Variants in CACNA2D1 observed in about 807,000 individuals in gnomAD.
The protein encoded by CACNA2D1 is calcium voltage-gated channel auxiliary subunit alpha2delta 1.
CACNA2D1 carries 53 observed loss-of-function variants against 171.5 expected under a neutral mutation model. The ratio of observed to expected loss-of-function variants is 0.31; its 90% CI spans 0.25 to 0.39. The LOEUF (loss-of-function observed/expected upper bound fraction) is 0.39, where lower values mean the gene tolerates loss of function less well. CACNA2D1 is among the 10% of genes least tolerant of loss of function. CACNA2D1 has a pLI of 1.00. For synonymous variants in CACNA2D1, 442 were observed against 443.1 expected (o/e 1.00, Z 0.03); for missense variants, 903 against 1,299.8 (o/e 0.69, Z 4.69).
chr7:82,333,149 A>G (rs1399722469), intron 3 of CACNA2D1, among the ~76,000 whole-genome samples: 1 of 152,258 alleles, frequency 6.6e-6, no homozygotes, highest in African/African-American at 2.4e-5. Flanking sequence ...AAATAGAAAG[A>G]CAAAATATAA....
At chr7:82,080,360 T>C (rs1809597491) in intron 7 of CACNA2D1, among the ~76,000 whole-genome samples, 1 of 152,082 alleles carries the variant, frequency 6.6e-6, no homozygotes, top group Non-Finnish European at 1.5e-5. Flanking sequence ...ATAGGTAGCT[T>C]ACAGAAGTTA....
chr7:82,395,955 C>G (rs1281188668), intron 1 of CACNA2D1, among the ~76,000 whole-genome samples: 1 of 152,098 alleles, frequency 6.6e-6, no homozygotes, highest in Non-Finnish European at 1.5e-5. Flanking sequence ...TGTGAAAATC[C>G]TATGCAGACT....
At chr7:82,054,864 C>T (rs1805613952) in intron 10 of CACNA2D1, among the ~76,000 whole-genome samples, 1 of 152,166 alleles carries the variant, frequency 6.6e-6, no homozygotes, top group African/African-American at 2.4e-5. Flanking sequence ...GGGGATGCAC[C>T]TAGCATTTGA....
intron 3 of CACNA2D1, among the ~76,000 whole-genome samples, chr7:82,199,695 T>G (rs1360148789): frequency 6.6e-6 from 1 of 152,056 alleles, no homozygotes; most frequent in Non-Finnish European, 1.5e-5. Flanking sequence ...TCACTTATAA[T>G]CTAGCAATTC....
chr7:82,197,957 A>G (rs888218080), intron 3 of CACNA2D1, among the ~76,000 whole-genome samples: 4 of 152,032 alleles, frequency 2.6e-5, no homozygotes, highest in Non-Finnish European at 4.4e-5. Flanking sequence ...TATATGCAAC[A>G]CATTTTCCAC....
At chr7:82,040,189 T>C (rs1235295530) in intron 10 of CACNA2D1, among the ~76,000 whole-genome samples, 2 of 152,012 alleles carry the variant, frequency 1.3e-5, no homozygotes, top group East Asian at 3.9e-4. Flanking sequence ...AAGAATCAAA[T>C]AGGACTTGGT....
chr7:82,326,386 G>GTA (rs1460501649), intron 3 of CACNA2D1, among the ~76,000 whole-genome samples: 1 of 152,168 alleles, frequency 6.6e-6, no homozygotes, highest in Non-Finnish European at 1.5e-5. Context: ...AGAACTTACT[G>GTA]TATACACAGC....
At position 82,435,030 on chromosome 7, in the gene CACNA2D1, C is replaced by CTTTT. The variant is rs764179836; in HGVS notation, c.95+8331_95+8334dup. Among the ~76,000 whole-genome samples the CTTTT allele has an allele frequency of 2.4e-3, 202 of 84,354 alleles. 5 individuals carry two copies. Among genetic ancestry groups the CTTTT allele is most frequent in the Middle Eastern group, 0.012 (1 of 82 alleles). 55.3% of individuals were successfully genotyped at this position (84,354 alleles called of 152,430 possible). On this transcript the variant is annotated intron_variant, in intron 1 of 38. Transcript: ENST00000356860. ...TTTGTCTCCAAACTCTCTTCAGATA[C>CTTTT]TTTTTTTTTTTTTTTTTTTTTTTGA...
At chr7:82,062,114 C>T (rs895204399) in intron 9 of CACNA2D1, among the ~76,000 whole-genome samples, 11 of 152,206 alleles carry the variant, frequency 7.2e-5, no homozygotes, top group Admixed American at 2.6e-4. Context: ...AGGGCAGTTT[C>T]GTTTTAGGGA....
chr7:82,379,574 T>C (rs1022576722), intron 1 of CACNA2D1, among the ~76,000 whole-genome samples: 2 of 152,200 alleles, frequency 1.3e-5, no homozygotes, highest in African/African-American at 4.8e-5. Flanking sequence ...TGTGTGTCTA[T>C]ACTTGTTGTC....
intron 1 of CACNA2D1, among the ~76,000 whole-genome samples, chr7:82,357,941 G>A (rs1165400879): frequency 6.6e-6 from 1 of 151,486 alleles, no homozygotes; most frequent in Non-Finnish European, 1.5e-5. Flanking sequence ...TGTACCACTC[G>A]GAGCCCTATC....
chr7:82,173,815 G>C (rs1796282062), intron 3 of CACNA2D1, among the ~76,000 whole-genome samples: 1 of 151,812 alleles, frequency 6.6e-6, no homozygotes, highest in African/African-American at 2.4e-5. Flanking sequence ...AGGGGAGGTG[G>C]GGAAAATCTC....
chr7:82,400,970 G>A, intron 1 of CACNA2D1, among the ~76,000 whole-genome samples: 1 of 152,118 alleles, frequency 6.6e-6, no homozygotes, highest in Non-Finnish European at 1.5e-5. Flanking sequence ...CATCATCACT[G>A]GCCGTCAGAG....
At chr7:82,401,796 G>A (rs1296739661) in intron 1 of CACNA2D1, among the ~76,000 whole-genome samples, 1 of 152,132 alleles carries the variant, frequency 6.6e-6, no homozygotes, top group Non-Finnish European at 1.5e-5. Flanking sequence ...AACTACATCA[G>A]TGAATAAAAA....
intron 24 of CACNA2D1, among the ~76,000 whole-genome samples, chr7:81,976,568 C>T (rs1229987829): frequency 6.6e-6 from 1 of 152,124 alleles, no homozygotes; most frequent in Non-Finnish European, 1.5e-5. Flanking sequence ...TATAGGATTG[C>T]TTGTGGCTGG....
chr7:82,291,753 C>A (rs954174052), intron 3 of CACNA2D1, among the ~76,000 whole-genome samples: 36 of 150,400 alleles, frequency 2.4e-4, no homozygotes, highest in African/African-American at 7.3e-4. Flanking sequence ...GATCCTTCTG[C>A]CTCAACCTCC....
At chr7:82,278,934 G>A (rs1346160815) in intron 3 of CACNA2D1, among the ~76,000 whole-genome samples, 2 of 152,132 alleles carry the variant, frequency 1.3e-5, no homozygotes, top group East Asian at 3.9e-4. Flanking sequence ...TTGGTTCTCA[G>A]TAATTTCAAA....
intron 1 of CACNA2D1, among the ~76,000 whole-genome samples, chr7:82,438,140 C>T (rs1356198726): frequency 1.3e-5 from 2 of 152,062 alleles, no homozygotes; most frequent in African/African-American, 4.8e-5. Flanking sequence ...TGCAATATCT[C>T]ATTTAATTGT....
chr7:81,964,253 G>A lies in CACNA2D1; in HGVS notation c.2681C>T (p.Pro894Leu), dbSNP rs771624597. Reference protein sequence around the residue: ...KSYDYQSVCEPGAAPKQGAGH... With the variant: ...KSYDYQSVCELGAAPKQGAGH... ...TGCTCCTTGTTTTGGTGCAGCACCG[G>A]GCTCACATACTGACTGATAATCATA... Residue 894 changes from proline to leucine, a missense_variant, in exon 33 of 39, where the codon CCC becomes CTC. Around this residue, in one of 5 missense-constraint regions of CACNA2D1, gnomAD observed 623 missense variants for 925.5 expected, o/e 0.67. Transcript: ENST00000356860. The A allele has an allele frequency of 1.2e-6, 2 of 1,612,558 alleles. No homozygotes were observed. Among genetic ancestry groups the A allele is most frequent in the Admixed American group, 1.7e-5 (1 of 59,808 alleles).
Sources: gnomAD v4.1 joint callset for allele counts (sites outside exome capture counted in the v4.1 genomes callset) on GRCh38, gnomAD v4.1.1 for gene constraint, gnomAD v4.1.1 regional missense constraint, MANE v1.5 for transcripts, NCBI Gene and HGNC (gene_info 2026-07-23, HGNC 2026-07-21) for gene names.